PLD5: variants seen among roughly 807,000 people sequenced by gnomAD.
PLD5 encodes inactive phospholipase D5.
A neutral mutation model predicts 61.1 loss-of-function variants in PLD5; 36 were observed. The observed-to-expected ratio is 0.59, with a 90% CI of 0.45 to 0.78. PLD5 has a LOEUF of 0.78. Ranked by LOEUF, PLD5 falls within the 30% of genes least tolerant of loss-of-function variation. The pLI is 0.00. For synonymous variants in PLD5, 243 were observed against 242.8 expected, an observed-to-expected ratio of 1.00 and a Z score of -0.01; for missense variants, 515 against 644.4, an observed-to-expected ratio of 0.80 and a Z score of 2.17.
intron 5 of PLD5, among the ~76,000 whole-genome samples, chr1:242,149,011 T>A: frequency 9.3e-6 from 1 of 107,930 alleles, no homozygotes; most frequent in East Asian, 2.7e-4. Context: ...TATTTCTTTT[T>A]CTTGCCTTAC....
At chr1:242,130,723 A>T (rs1302567509) in intron 5 of PLD5, among the ~76,000 whole-genome samples, 1 of 152,170 alleles carries the variant, frequency 6.6e-6, no homozygotes, top group African/African-American at 2.4e-5. Context: ...CACGCCACAG[A>T]GCATCCTGAT....
intron 5 of PLD5, among the ~76,000 whole-genome samples, chr1:242,126,247 C>G (rs897730509): frequency 6.6e-6 from 1 of 152,158 alleles, no homozygotes; most frequent in African/African-American, 2.4e-5. Context: ...CAAAAGTAAT[C>G]TACAAATTCA....
chr1:242,475,548 T>C (rs1667571858), intron 1 of PLD5, among the ~76,000 whole-genome samples: 1 of 151,896 alleles, frequency 6.6e-6, no homozygotes, highest in African/African-American at 2.4e-5. Flanking sequence ...GTCTAAGATA[T>C]CCCGCCCAAA....
chr1:242,163,122 C>G (rs1237051045), intron 5 of PLD5, among the ~76,000 whole-genome samples: 8 of 148,258 alleles, frequency 5.4e-5, no homozygotes, highest in Non-Finnish European at 1.0e-4. Context: ...ATACTTCCCT[C>G]AAGTCTTTTA....
chr1:242,182,836 C>T (rs1487190490), intron 5 of PLD5, among the ~76,000 whole-genome samples: 2 of 151,936 alleles, frequency 1.3e-5, no homozygotes, highest in African/African-American at 2.4e-5. Context: ...GAGTGAGACT[C>T]TGTCTCAAAA....
Position 242,478,373 on chromosome 1 carries a change from G to T in PLD5, c.189+45715C>A, listed in dbSNP as rs576994459. ...AAATTCCAAAGACCTCTGGGTGGCT[G>T]CCTTGGTTCAGAGAATCCAGAGGAG... On this transcript the variant is annotated intron_variant, in intron 1 of 9. Transcript: ENST00000536534. 1.2e-4 allele frequency among the ~76,000 whole-genome samples: 18 copies of T among 152,316 alleles called. No individual in the cohort carries two copies. In the South Asian group the frequency reaches 3.5e-3, roughly 30 times the overall value.
intron 5 of PLD5, among the ~76,000 whole-genome samples, chr1:242,133,656 C>T (rs1663483813): frequency 6.6e-6 from 1 of 152,092 alleles, no homozygotes; most frequent in Non-Finnish European, 1.5e-5. Flanking sequence ...TCACTGTAGT[C>T]AATGCTTCAT....
chr1:242,460,262 C>T (rs2102936229), intron 1 of PLD5, among the ~76,000 whole-genome samples: 1 of 152,276 alleles, frequency 6.6e-6, no homozygotes, highest in Non-Finnish European at 1.5e-5. Flanking sequence ...CCTCACTAAA[C>T]TTAATCATAG....
rs944495097 is a variant in PLD5, at chr1:242,393,955, G to T, written c.190-45713C>A. 2.8e-5 allele frequency among the ~76,000 whole-genome samples: 4 copies of T among 142,796 alleles called. No individual in the cohort carries two copies. In the South Asian group the frequency reaches 9.2e-4, roughly 33 times the overall value. The allele number at this position is 142,796 out of a possible 152,430, so 93.7% of individuals were successfully genotyped here. A position where few individuals can be genotyped will look rare whatever the true frequency, so the allele number is the denominator to read the frequency against. ...CGTGCCTGTAATCCCAGCTACTCAG[G>T]AGGCTGAGGCAGGAGAATCACTTGA... is the stretch of plus-strand genomic sequence containing the variant. On this transcript the variant is annotated intron_variant, in intron 1 of 9. Transcript: ENST00000536534.
intron 1 of PLD5, among the ~76,000 whole-genome samples, chr1:242,501,790 T>TTATATATATATATATATA (rs10648981): frequency 6.8e-6 from 1 of 147,162 alleles, no homozygotes; most frequent in African/African-American, 2.5e-5. Context: ...TAATATTCCA[T>TTATATATATATATATATA]TATATATATA....
chr1:242,344,301 CTTCT>C (rs1188141730), intron 2 of PLD5, among the ~76,000 whole-genome samples: 5 of 152,176 alleles, frequency 3.3e-5, no homozygotes, highest in Non-Finnish European at 5.9e-5. Context: ...CACCTAGAGC[CTTCT>C]TTCTTCCACT....
chr1:242,295,281 C>G (rs1234578045), intron 2 of PLD5, among the ~76,000 whole-genome samples: 1 of 152,152 alleles, frequency 6.6e-6, no homozygotes, highest in Admixed American at 6.5e-5. Flanking sequence ...ATCCGTCCCC[C>G]TCTTCTCCTC....
At chr1:242,191,851 G>T (rs568390426) in intron 5 of PLD5, among the ~76,000 whole-genome samples, 3 of 152,124 alleles carry the variant, frequency 2.0e-5, no homozygotes, top group African/African-American at 7.2e-5. Context: ...ACAGACTGGG[G>T]CGAAATAGGA....
intron 1 of PLD5, among the ~76,000 whole-genome samples, chr1:242,513,909 GC>G (rs1243173528): frequency 6.6e-6 from 1 of 152,180 alleles, no homozygotes; most frequent in Non-Finnish European, 1.5e-5. Flanking sequence ...AGTCCCATGA[GC>G]TCTTATTTTA....
At chr1:242,489,673 T>C (rs191386620) in intron 1 of PLD5, among the ~76,000 whole-genome samples, 3 of 152,264 alleles carry the variant, frequency 2.0e-5, no homozygotes, top group African/African-American at 7.2e-5. Flanking sequence ...CATACCATTA[T>C]AAAAAGAAAG....
At chr1:242,352,434 A>C (rs1017263773) in intron 1 of PLD5, among the ~76,000 whole-genome samples, 3 of 152,186 alleles carry the variant, frequency 2.0e-5, no homozygotes, top group African/African-American at 7.2e-5. Context: ...CCATATTTTC[A>C]AAACTCCATT....
chr1:242,115,060 C>T (rs1661834547), intron 6 of PLD5, among the ~76,000 whole-genome samples: 1 of 152,014 alleles, frequency 6.6e-6, no homozygotes, highest in Non-Finnish European at 1.5e-5. Context: ...CACCTGTAAT[C>T]CCAGCTACTC....
At chr1:242,167,395 G>A (rs1389832528) in intron 5 of PLD5, among the ~76,000 whole-genome samples, 2 of 152,112 alleles carry the variant, frequency 1.3e-5, no homozygotes, top group East Asian at 3.9e-4. Flanking sequence ...GCATGTGCGG[G>A]GGAACTGCCC....
In PLD5 at chr1:242,242,011, A is replaced by ATG. The variant is rs1491262799; in HGVS notation, c.608-21897_608-21896insCA. On this transcript the variant is annotated intron_variant, in intron 4 of 9. Transcript: ENST00000536534. ...ACTTACTATATATATATATATATAT[A>ATG]GACACACACACACACACACACACAC... Among the ~76,000 whole-genome samples the ATG allele has an allele frequency of 1.1e-4, 14 of 127,212 alleles. No individual in the cohort carries two copies. The South Asian group carries it at 2.7e-3, about 24-fold the overall frequency. 83.5% of individuals were successfully genotyped at this position (127,212 alleles called of 152,430 possible). A position where few individuals can be genotyped will look rare whatever the true frequency, so the allele number is the denominator to read the frequency against.
Sources: gnomAD v4.1 joint callset for allele counts (sites outside exome capture counted in the v4.1 genomes callset) on GRCh38, gnomAD v4.1.1 for gene constraint, MANE v1.5 for transcripts, NCBI Gene and HGNC (gene_info 2026-07-23, HGNC 2026-07-21) for gene names.